The following GALNTL6 variants were observed in gnomAD, a reference collection of about 807,000 sequenced individuals.
The protein encoded by GALNTL6 is polypeptide N-acetylgalactosaminyltransferase like 6, also known as polypeptide N-acetylgalactosaminyltransferase-like 6.
Under a neutral mutation model 73.7 loss-of-function variants are expected in GALNTL6, and 46 were observed. The ratio of observed to expected loss-of-function variants is 0.62; its 90% CI spans 0.49 to 0.80. The LOEUF (loss-of-function observed/expected upper bound fraction) is 0.80. GALNTL6 is among the 30% of genes least tolerant of loss of function. The pLI is 0.00. For missense variants in GALNTL6, 604 were observed against 755.0 expected (o/e 0.80, Z 2.34); for synonymous variants, 259 against 263.7 (o/e 0.98, Z 0.17).
intron 5 of GALNTL6, among the ~76,000 whole-genome samples, chr4:172,770,197 C>T (rs1402820601): frequency 2.6e-5 from 4 of 151,704 alleles, no homozygotes; most frequent in East Asian, 3.9e-4. Flanking sequence ...ACCTGGGAGG[C>T]GGAGGTTGCA....
chr4:172,658,721 G>A (rs1731217067), intron 5 of GALNTL6, among the ~76,000 whole-genome samples: 1 of 152,048 alleles, frequency 6.6e-6, no homozygotes, highest in South Asian at 2.1e-4. Context: ...TACACCTTGA[G>A]GTTATTTTGT....
intron 2 of GALNTL6, among the ~76,000 whole-genome samples, chr4:172,024,013 A>G (rs1447113070): frequency 6.6e-6 from 1 of 151,776 alleles, no homozygotes. Context: ...TAATTAATCT[A>G]CTGGTCTAAA....
intron 7 of GALNTL6, among the ~76,000 whole-genome samples, chr4:172,840,066 C>T (rs1306746939): frequency 2.0e-5 from 3 of 152,090 alleles, no homozygotes; most frequent in South Asian, 2.1e-4. Context: ...TAAAAATAAA[C>T]ACATCCACAG....
intron 7 of GALNTL6, among the ~76,000 whole-genome samples, chr4:172,831,157 C>CAAAAAAAAAAAAAAAAA (rs60870698): frequency 1.6e-5 from 1 of 63,882 alleles, no homozygotes; most frequent in Non-Finnish European, 2.8e-5. Context: ...GACTCCCTCT[C>CAAAAAAAAAAAAAAAAA]AAAAAAAAAA....
At chr4:172,583,697 C>T (rs1470749104) in intron 5 of GALNTL6, among the ~76,000 whole-genome samples, 7 of 151,706 alleles carry the variant, frequency 4.6e-5, no homozygotes, top group Admixed American at 2.6e-4. Context: ...GTCAGGAGTT[C>T]GAGACCAGCC....
chr4:172,219,611 A>G (rs1736608808), intron 2 of GALNTL6, among the ~76,000 whole-genome samples: 1 of 151,938 alleles, frequency 6.6e-6, no homozygotes, highest in South Asian at 2.1e-4. Flanking sequence ...TTTGTTGAAC[A>G]AGATACTTTA....
chr4:171,959,131 C>T (rs769588700), intron 2 of GALNTL6, among the ~76,000 whole-genome samples: 2 of 152,074 alleles, frequency 1.3e-5, no homozygotes, highest in East Asian at 1.9e-4. Context: ...TTATAGTTGA[C>T]GGCTTGTTAC....
At chr4:171,977,000 A>C (rs1739741069) in intron 2 of GALNTL6, among the ~76,000 whole-genome samples, 1 of 152,188 alleles carries the variant, frequency 6.6e-6, no homozygotes, top group South Asian at 2.1e-4. Context: ...TCAAAACTGC[A>C]ACTAGAAACT....
chr4:172,619,161 A>G (rs1738858091), intron 5 of GALNTL6, among the ~76,000 whole-genome samples: 1 of 152,216 alleles, frequency 6.6e-6, no homozygotes, highest in Non-Finnish European at 1.5e-5. Context: ...TGAGGTAGAC[A>G]TAAATTGGGG....
At chr4:172,847,929 C>G (rs1199546268) in intron 7 of GALNTL6, among the ~76,000 whole-genome samples, 1 of 152,180 alleles carries the variant, frequency 6.6e-6, no homozygotes, top group African/African-American at 2.4e-5. Flanking sequence ...ATGAGAGCTA[C>G]TTAGAGCTCA....
intron 10 of GALNTL6, among the ~76,000 whole-genome samples, chr4:172,977,658 A>G (rs1750879963): frequency 6.6e-6 from 1 of 152,214 alleles, no homozygotes; most frequent in Non-Finnish European, 1.5e-5. Flanking sequence ...AGGATGAGAC[A>G]GCAAAGACTG....
At chr4:171,975,890 A>T (rs757959116) in intron 2 of GALNTL6, among the ~76,000 whole-genome samples, 1 of 152,110 alleles carries the variant, frequency 6.6e-6, no homozygotes, top group Non-Finnish European at 1.5e-5. Context: ...TTGTCAATTG[A>T]CTTCATGCAC....
At chr4:172,361,835 A>C (rs926646002) in intron 5 of GALNTL6, among the ~76,000 whole-genome samples, 1 of 152,110 alleles carries the variant, frequency 6.6e-6, no homozygotes, top group Non-Finnish European at 1.5e-5. Context: ...CCCTAGCTTT[A>C]TATCTTGGCT....
chr4:172,210,503 A>G (rs1287421103), intron 2 of GALNTL6, among the ~76,000 whole-genome samples: 1 of 152,066 alleles, frequency 6.6e-6, no homozygotes, highest in East Asian at 1.9e-4. Flanking sequence ...CATTTTGTAA[A>G]ATGTCCCTCT....
At chr4:172,180,588 C>T (rs139871974) in intron 2 of GALNTL6, among the ~76,000 whole-genome samples, 251 of 152,172 alleles carry the variant, frequency 1.6e-3, no homozygotes, top group African/African-American at 5.0e-3. Context: ...TTAGGCTTCA[C>T]GTGTAAGTCT....
intron 4 of GALNTL6, among the ~76,000 whole-genome samples, chr4:172,331,233 A>C (rs772384068): frequency 6.6e-6 from 1 of 151,314 alleles, no homozygotes; most frequent in Admixed American, 6.6e-5. Context: ...TATTACACAC[A>C]TATTACAAAA....
chr4:172,718,020 G>C (rs577051774), intron 5 of GALNTL6, among the ~76,000 whole-genome samples: 1 of 152,252 alleles, frequency 6.6e-6, no homozygotes, highest in South Asian at 2.1e-4. Flanking sequence ...AATTATAAAT[G>C]TCAGCAACAT....
intron 5 of GALNTL6, among the ~76,000 whole-genome samples, chr4:172,435,987 A>T (rs868615369): frequency 5.1e-5 from 6 of 116,772 alleles, no homozygotes; most frequent in Middle Eastern, 7.8e-3. Flanking sequence ...GTTGTGTAAG[A>T]AAGTTCAATA....
At chr4:172,963,937 C>T (rs1263570738) in intron 10 of GALNTL6, among the ~76,000 whole-genome samples, 3 of 152,206 alleles carry the variant, frequency 2.0e-5, no homozygotes, top group Non-Finnish European at 2.9e-5. Context: ...GAAGAGATTA[C>T]AGTCATATCT....
Sources: allele counts gnomAD v4.1 joint callset (sites outside exome capture counted in the v4.1 genomes callset), GRCh38; gene constraint gnomAD v4.1.1; transcripts MANE v1.5; gene names NCBI Gene and HGNC (gene_info 2026-07-23, HGNC 2026-07-21).